The following RALGAPA1 variants were observed in gnomAD, a reference collection of about 807,000 sequenced individuals.
RALGAPA1 encodes Ral GTPase activating protein catalytic subunit alpha 1, also known as ral GTPase-activating protein subunit alpha-1.
Under a neutral mutation model 269.6 loss-of-function variants are expected in RALGAPA1, and 52 were observed. The ratio of observed to expected loss-of-function variants is 0.19; its 90% confidence interval spans 0.15 to 0.24. The LOEUF (loss-of-function observed/expected upper bound fraction) is 0.24, where lower values mean the gene tolerates loss of function less well. RALGAPA1 is among the 10% of genes least tolerant of loss of function. The pLI, the probability that RALGAPA1 is intolerant of heterozygous loss-of-function variation, is 1.00. For synonymous variants in RALGAPA1, 817 were observed against 1,008.3 expected (o/e 0.81, Z 3.60); for missense variants, 1,917 against 3,013.9 (o/e 0.64, Z 8.52).
At chr14:35,645,280 T>C (rs2062330213) in intron 31 of RALGAPA1, among the ~76,000 whole-genome samples, 1 of 151,854 alleles carries the variant, frequency 6.6e-6, no homozygotes, top group South Asian at 2.1e-4. Context: ...ACACTGGGCA[T>C]TAGGATTTCC....
intron 3 of RALGAPA1, among the ~76,000 whole-genome samples, chr14:35,772,885 C>A (rs1041364509): frequency 6.6e-6 from 1 of 152,004 alleles, no homozygotes; most frequent in African/African-American, 2.4e-5. Flanking sequence ...CTTGTCTTCT[C>A]GTTGATATCA....
chr14:35,614,674 T>C (rs2060141798), intron 35 of RALGAPA1, among the ~76,000 whole-genome samples: 2 of 152,270 alleles, frequency 1.3e-5, no homozygotes, highest in South Asian at 2.1e-4. Flanking sequence ...TAAAAATATG[T>C]ACACTTTAAA....
intron 6 of RALGAPA1, among the ~76,000 whole-genome samples, chr14:35,759,592 T>TATA (rs1555430928): frequency 3.1e-5 from 4 of 130,746 alleles, no homozygotes; most frequent in Non-Finnish European, 6.8e-5. Context: ...ATTAAAGAAG[T>TATA]AAAAAAAAAA....
chr14:35,698,134 G>A (rs1293180638), intron 17 of RALGAPA1, among the ~76,000 whole-genome samples: 1 of 152,060 alleles, frequency 6.6e-6, no homozygotes, highest in Non-Finnish European at 1.5e-5. Flanking sequence ...ATTTATCATA[G>A]AAGGCATATT....
intron 10 of RALGAPA1, among the ~76,000 whole-genome samples, chr14:35,742,988 T>C (rs2071709219): frequency 6.6e-6 from 1 of 152,078 alleles, no homozygotes. Context: ...TGCCATTCCA[T>C]TGTGGGGTGC....
intron 31 of RALGAPA1, among the ~76,000 whole-genome samples, chr14:35,645,480 C>T (rs1192726050): frequency 6.6e-6 from 1 of 151,958 alleles, no homozygotes; most frequent in African/African-American, 2.4e-5. Context: ...CCTGTAATCC[C>T]ACCACTTTGG....
intron 28 of RALGAPA1, among the ~76,000 whole-genome samples, chr14:35,656,889 G>A (rs1391399095): frequency 6.6e-6 from 1 of 152,002 alleles, no homozygotes; most frequent in Admixed American, 6.6e-5. Context: ...AAATAACCAA[G>A]CTTCGGGTTT....
At chr14:35,612,773 C>T (rs1379365028) in intron 35 of RALGAPA1, among the ~76,000 whole-genome samples, 1 of 152,006 alleles carries the variant, frequency 6.6e-6, no homozygotes, top group Non-Finnish European at 1.5e-5. Context: ...CTCCTGACCT[C>T]GTGATCCGCC....
At chr14:35,649,385 T>C (rs1462143649) in intron 31 of RALGAPA1, among the ~76,000 whole-genome samples, 1 of 152,224 alleles carries the variant, frequency 6.6e-6, no homozygotes, top group Non-Finnish European at 1.5e-5. Flanking sequence ...CTGGTCATAT[T>C]TTATCCTACA....
In RALGAPA1 at chr14:35,572,709, A is replaced by G. The variant is rs2057298473; in HGVS notation, c.7219T>C (p.Leu2407=). The change falls in exon 38 of 42, where the codon TTG becomes CTG. Residue 2407 remains leucine, a synonymous_variant. Transcript: ENST00000680220. ...DDSLTKKLRH[L]GNDEVHIVWS... is the part of the protein sequence containing the mutation. ...ACAATGTGCACTTCATCATTTCCCA[A>G]ATGTCTCAACTGGAAAGACAAGAAA... The G allele has an allele frequency of 6.3e-7, 1 of 1,596,634 alleles. No homozygotes were observed.
intron 3 of RALGAPA1, among the ~76,000 whole-genome samples, chr14:35,773,503 G>T (rs1280930135): frequency 6.6e-6 from 1 of 151,888 alleles, no homozygotes; most frequent in East Asian, 1.9e-4. Flanking sequence ...TAGAAAAATA[G>T]TTATTTTTAC....
At chr14:35,742,611 C>T (rs1418609040) in intron 10 of RALGAPA1, 46 bp from the exon 11 acceptor site, 2 of 1,311,984 alleles carry the variant, frequency 1.5e-6, no homozygotes, top group East Asian at 4.6e-5. Flanking sequence ...TTTTCCTTTG[C>T]CACAAACCAC....
intron 41 of RALGAPA1, among the ~76,000 whole-genome samples, chr14:35,546,835 T>A (rs1376846935): frequency 2.0e-5 from 3 of 152,074 alleles, no homozygotes; most frequent in Non-Finnish European, 4.4e-5. Flanking sequence ...TAAAGGGAGC[T>A]CTATATGTAT....
At chr14:35,684,809 G>T (rs754670877) in intron 20 of RALGAPA1, 120 bp downstream of exon 20, 9 of 991,972 alleles carry the variant, frequency 9.1e-6, no homozygotes, top group Admixed American at 2.9e-5. Context: ...TTTTTCTAAC[G>T]TGGGAGCCAC....
intron 36 of RALGAPA1, among the ~76,000 whole-genome samples, chr14:35,597,608 T>C (rs1402026653): frequency 6.6e-6 from 1 of 152,178 alleles, no homozygotes; most frequent in East Asian, 1.9e-4. Context: ...ACCACCAGGA[T>C]ACTGACGACA....
chr14:35,801,343 A>G (rs995397811), intron 1 of RALGAPA1, among the ~76,000 whole-genome samples: 4 of 151,602 alleles, frequency 2.6e-5, no homozygotes, highest in Non-Finnish European at 4.4e-5. Flanking sequence ...ATCTTGGCTC[A>G]CTGCAACCTC....
intron 39 of RALGAPA1, among the ~76,000 whole-genome samples, chr14:35,555,074 A>T (rs1360768747): frequency 6.6e-6 from 1 of 152,198 alleles, no homozygotes; most frequent in African/African-American, 2.4e-5. Flanking sequence ...CTTGTGAGAA[A>T]GATTTTGGTT....
chr14:35,790,837 G>A (rs1311999745), intron 1 of RALGAPA1, among the ~76,000 whole-genome samples: 1 of 152,032 alleles, frequency 6.6e-6, no homozygotes, highest in Admixed American at 6.6e-5. Flanking sequence ...TTAAACTTTT[G>A]TAACAGAAGT....
chr14:35,689,664 C>T lies in RALGAPA1; in HGVS notation c.2747G>A (p.Gly916Asp). Residue 916 changes from glycine to aspartate, a missense_variant, in exon 18 of 42, where the codon GGT (glycine) becomes GAT (aspartate). By Grantham distance (94) the Gly-to-Asp change is moderately conservative. Transcript: ENST00000680220. Reference protein sequence around the residue: ...SIYDHLCHLIGPVELADSAFE... With the variant: ...SIYDHLCHLIDPVELADSAFE... ...AGCTGAATCTGCAAGTTCTACTGGACCTATTAAATGACAAAGATGGTCATA... is the reference window on the plus strand; with the variant it reads ...AGCTGAATCTGCAAGTTCTACTGGATCTATTAAATGACAAAGATGGTCATA... The T allele has an allele frequency of 7.6e-7, 1 of 1,318,560 alleles. No individual in the cohort carries two copies. Among genetic ancestry groups the T allele is most frequent in the East Asian group, 3.0e-5 (1 of 32,934 alleles). The allele number at this position is 1,318,560 out of a possible 1,614,324, so 81.7% of individuals were successfully genotyped here. A position where few individuals can be genotyped will look rare whatever the true frequency, so the allele number is the denominator to read the frequency against.
Sources: allele counts gnomAD v4.1 joint callset (sites outside exome capture counted in the v4.1 genomes callset), GRCh38; gene constraint gnomAD v4.1.1; transcripts MANE v1.5; gene names NCBI Gene and HGNC (gene_info 2026-07-23, HGNC 2026-07-21).